EFCAB6: variants seen among roughly 807,000 people sequenced by gnomAD.
EFCAB6 encodes EF-hand calcium-binding domain-containing protein 6.
A neutral mutation model predicts 169.8 loss-of-function variants in EFCAB6; 156 were observed. The ratio of observed to expected loss-of-function variants is 0.92; its 90% confidence interval spans 0.81 to 1.05. The LOEUF (loss-of-function observed/expected upper bound fraction) is 1.05, where lower values mean the gene tolerates loss of function less well. Among genes scored for constraint, EFCAB6 ranks in the 50% least tolerant of loss-of-function variants. The pLI is 0.00. For missense variants in EFCAB6, 1,800 were observed against 1,829.1 expected, an observed-to-expected ratio of 0.98 and a Z score of 0.29; for synonymous variants, 698 against 676.4, an observed-to-expected ratio of 1.03 and a Z score of -0.50.
At chr22:43,570,013 T>C (rs1429016665) in intron 26 of EFCAB6, 2 of 152,176 alleles carry the variant, frequency 1.3e-5, no homozygotes, top group Non-Finnish European at 2.9e-5. Flanking sequence ...GAAAGATAAA[T>C]TGAAGTAACA....
intron 27 of EFCAB6, among the ~76,000 whole-genome samples, chr22:43,543,671 A>G (rs2047878893): frequency 6.6e-6 from 1 of 152,186 alleles, no homozygotes; most frequent in Non-Finnish European, 1.5e-5. Context: ...GACAGGAGGC[A>G]GAGAGGGCTG....
rs778677243 is a variant in EFCAB6, at chr22:43,590,065, C to T, written c.3032+9G>A. 6 of 1,609,670 alleles carry T rather than the reference C, an allele frequency of 3.7e-6. No individual in the cohort carries two copies. In the African/African-American group the frequency reaches 5.4e-5, roughly 14 times the overall value. ...CATGAGAAACATATTTAACTGAGTC[C>T]AAAAAGACCTGTTTAGCAGATGGGT... is the stretch of plus-strand genomic sequence containing the variant. On this transcript the variant is annotated intron_variant, in intron 24 of 31. Transcript: ENST00000262726.
chr22:43,683,455 G>A (rs943441688), intron 12 of EFCAB6, among the ~76,000 whole-genome samples: 1 of 152,178 alleles, frequency 6.6e-6, no homozygotes, highest in African/African-American at 2.4e-5. Flanking sequence ...ATGATGATCA[G>A]TCACTGCAAC....
chr22:43,766,496 A>G (rs1413194057), intron 4 of EFCAB6, among the ~76,000 whole-genome samples: 2 of 152,262 alleles, frequency 1.3e-5, no homozygotes, highest in South Asian at 2.1e-4. Flanking sequence ...TTTGTACCAT[A>G]TGAGTGCTAT....
At chr22:43,757,522 G>A (rs1219261791) in intron 5 of EFCAB6, among the ~76,000 whole-genome samples, 9 of 152,114 alleles carry the variant, frequency 5.9e-5, no homozygotes, top group African/African-American at 1.4e-4. Flanking sequence ...ACTCCAACCC[G>A]GACAACAACA....
chr22:43,560,207 A>G (rs1446253747), intron 26 of EFCAB6, among the ~76,000 whole-genome samples: 2 of 152,304 alleles, frequency 1.3e-5, no homozygotes, highest in Non-Finnish European at 1.5e-5. Context: ...AAAAATCTCA[A>G]TGGATATTTG....
chr22:43,716,139 A>G (rs1218538638), intron 9 of EFCAB6, among the ~76,000 whole-genome samples: 1 of 152,226 alleles, frequency 6.6e-6, no homozygotes, highest in African/African-American at 2.4e-5. Context: ...ATACATGTTT[A>G]CCCACATTAC....
chr22:43,545,777 C>T (rs1359938824), intron 27 of EFCAB6, among the ~76,000 whole-genome samples: 1 of 152,176 alleles, frequency 6.6e-6, no homozygotes. Flanking sequence ...ATCATGGGAC[C>T]CCAAGGTGGA....
At chr22:43,556,014 G>C (rs73172035) in intron 26 of EFCAB6, among the ~76,000 whole-genome samples, 5,910 of 152,358 alleles carry the variant, frequency 0.039, 125 homozygotes, top group African/African-American at 0.051. Context: ...ACATATGACA[G>C]AGGGAAGAGC....
intron 10 of EFCAB6, among the ~76,000 whole-genome samples, chr22:43,689,580 C>T (rs377515244): frequency 2.0e-4 from 31 of 152,216 alleles, no homozygotes; most frequent in African/African-American, 3.6e-4. Context: ...CACCTTTGAA[C>T]GCTTGATCGG....
rs2055307525 is a variant in EFCAB6 at position 43,635,326 on chromosome 22, A to T, written c.1984-110T>A. ...GCTCACAGCAGGGCTCATGATTGTTATTTGTCTGACCCCACCCACAGGCTG... is the reference window on the plus strand; with the variant it reads ...GCTCACAGCAGGGCTCATGATTGTTTTTTGTCTGACCCCACCCACAGGCTG... On this transcript the variant is annotated intron_variant, in intron 17 of 31. Coordinates refer to ENST00000262726, the MANE Select transcript of EFCAB6 (RefSeq NM_022785.4). 4.9e-6 allele frequency: 4 copies of T among 810,252 alleles called. No homozygotes were observed. In the Admixed American group the frequency reaches 6.0e-5, roughly 12 times the overall value. The allele number at this position is 810,252 out of a possible 1,614,324, so 50.2% of individuals were successfully genotyped here.
Position 43,537,194 on chromosome 22 carries a change from C to CCGGGTAGGAGGA in EFCAB6, c.4048+182_4048+183insTCCTCCTACCCG. 1 of 663,510 alleles carries CCGGGTAGGAGGA rather than the reference C, an allele frequency of 1.5e-6. No individual in the cohort carries two copies. The highest frequency in any genetic ancestry group is 2.5e-6 in the Non-Finnish European group (1 of 405,700). 41.1% of individuals were successfully genotyped at this position (663,510 alleles called of 1,614,324 possible). The stretch of plus-strand genomic sequence containing the variant: ...CCCCCTGCTGGGAGGGCCGGGTAGT[C>CCGGGTAGGAGGA]GGAATCCTCCTCCATGGGGACCTTT... On this transcript the variant is annotated intron_variant, in intron 29 of 31. Coordinates refer to ENST00000262726, the MANE Select transcript of EFCAB6 (RefSeq NM_022785.4). This position sits in a 1 kb window ranked among gnomAD's most constrained non-coding sequence, Gnocchi z 4.3.
chr22:43,753,920 A>G (rs889171694), intron 6 of EFCAB6, among the ~76,000 whole-genome samples: 8 of 152,214 alleles, frequency 5.3e-5, no homozygotes, highest in African/African-American at 1.7e-4. Context: ...CCCAAACTGT[A>G]ACCATCACCC....
chr22:43,618,827 A>C (rs904993705), intron 20 of EFCAB6, among the ~76,000 whole-genome samples: 6 of 152,132 alleles, frequency 3.9e-5, no homozygotes, highest in African/African-American at 1.2e-4. Flanking sequence ...AAAACGTTAA[A>C]ATTTTCTCTA....
intron 8 of EFCAB6, among the ~76,000 whole-genome samples, chr22:43,719,733 C>A (rs1210444808): frequency 6.6e-6 from 1 of 152,100 alleles, no homozygotes; most frequent in African/African-American, 2.4e-5. Flanking sequence ...GAAAACAGTA[C>A]CTTTGTCATG....
chr22:43,580,608 TCTCAGGAA>T lies in EFCAB6; in HGVS notation c.3076_3083del (p.Phe1026SerfsTer40). On this transcript the variant is annotated frameshift_variant, in exon 25 of 32. Coordinates refer to ENST00000262726, the MANE Select transcript of EFCAB6 (RefSeq NM_022785.4). LOFTEE classifies it high-confidence loss of function. ...CTGTTGACTTGCTGTTCTCCACTGCTCTCAGGAAGTCGAGGTAATTGATAGCATTATCA... is the reference window on the plus strand; with the variant it reads ...CTGTTGACTTGCTGTTCTCCACTGCTGTCGAGGTAATTGATAGCATTATCA... 2 of 1,614,136 alleles carry T rather than the reference TCTCAGGAA, an allele frequency of 1.2e-6. No homozygotes were observed. Among genetic ancestry groups the T allele is most frequent in the East Asian group, 4.5e-5 (2 of 44,870 alleles).
chr22:43,577,821 G>A (rs1018810816), intron 25 of EFCAB6, among the ~76,000 whole-genome samples: 2 of 149,906 alleles, frequency 1.3e-5, no homozygotes, highest in African/African-American at 4.9e-5. Context: ...CCCTCACACC[G>A]CACCGGGACT....
At chr22:43,655,260 AGT>A in intron 17 of EFCAB6, among the ~76,000 whole-genome samples, 1 of 152,326 alleles carries the variant, frequency 6.6e-6, no homozygotes, top group South Asian at 2.1e-4. Context: ...CTGTCTCAAA[AGT>A]AAATAAATAA....
Position 43,600,144 on chromosome 22 carries a change from T to C in EFCAB6, c.2801A>G (p.His934Arg), listed in dbSNP as rs950004431. 5.0e-6 allele frequency: 8 copies of C among 1,614,068 alleles called. No homozygotes were observed. Among genetic ancestry groups the C allele is most frequent in the East Asian group, 2.2e-5 (1 of 44,900 alleles). Residue 934 changes from histidine (H) to arginine (R), a missense_variant, in exon 23 of 32, where the codon CAT becomes CGT. Coordinates refer to ENST00000262726, the MANE Select transcript of EFCAB6 (RefSeq NM_022785.4). ...CAEDYFNFMG[H>R]FTKPQQLQEE... ...CTGTAGCTGCTGTGGCTTTGTAAAA[T>C]GACCCATGAAGTTGAAATAATCCTC...
Sources: allele counts gnomAD v4.1 joint callset (sites outside exome capture counted in the v4.1 genomes callset), GRCh38; gene constraint gnomAD v4.1.1; non-coding constraint Gnocchi (gnomAD v3.1); transcripts MANE v1.5; gene names NCBI Gene and HGNC (gene_info 2026-07-23, HGNC 2026-07-21).